The following ZC3H11B variants were observed in gnomAD, a reference collection of about 807,000 sequenced individuals.
The protein encoded by ZC3H11B is zinc finger CCCH domain-containing protein 11B.
In ZC3H11B, 3 loss-of-function variants were observed where a neutral mutation model predicts 34.0. The observed-to-expected ratio is 0.09, with a 90% CI of 0.04 to 0.23. The LOEUF is 0.23. Ranked by LOEUF, ZC3H11B falls within the 10% of genes least tolerant of loss-of-function variation. The pLI is 1.00. For missense variants in ZC3H11B, 99 were observed against 660.1 expected, an observed-to-expected ratio of 0.15 and a Z score of 9.31; for synonymous variants, 33 against 250.1, an observed-to-expected ratio of 0.13 and a Z score of 8.19.
chr1:219,609,867 G>C (rs1667973149), exon 2 of ZC3H11B: 2 of 1,614,172 alleles, frequency 1.2e-6, no homozygotes, highest in South Asian at 2.2e-5. Flanking sequence ...AAGAGGACTG[G>C]GTTGGAGGCA....
rs1383614943 is a variant in ZC3H11B, at chr1:219,612,543, T to C, written c.-481A>G. ...AAGGATCATGAAAAAAAATCCATCT[T>C]CCATAGCTGAACAATATAATCTGAA... On this transcript the variant is annotated 5_prime_UTR_variant, in exon 2 of 2. Transcript: ENST00000651890. 31 of 147,412 alleles carry C rather than the reference T, an allele frequency of 2.1e-4. 5 individuals are homozygous for C. Among genetic ancestry groups the C allele is most frequent in the African/African-American group, 1.0e-3 (26 of 25,310 alleles). The allele number at this position is 147,412 out of a possible 1,614,324, so 9.1% of individuals were successfully genotyped here. A position where few individuals can be genotyped will look rare whatever the true frequency, so the allele number is the denominator to read the frequency against.
exon 2 of ZC3H11B, chr1:219,608,912 C>T (rs1317874167): frequency 1.3e-5 from 2 of 152,522 alleles, no homozygotes; most frequent in African/African-American, 4.8e-5. Context: ...TATAATGAAT[C>T]CAGGGAATCC....
rs187152350 is a variant in ZC3H11B at position 219,608,052 on chromosome 1, A to G, written c.*1593T>C. ...TTATTTTTTAAAAAAGCAAAAGAAT[A>G]AAGAATATATACAAAAGGGACCTGG... On this transcript the variant is annotated 3_prime_UTR_variant, in exon 2 of 2. Coordinates refer to ENST00000651890, the Ensembl canonical transcript of ZC3H11B. Among the ~76,000 whole-genome samples the G allele has an allele frequency of 2.5e-3, 374 of 152,238 alleles. 4 individuals are homozygous for G. Among genetic ancestry groups the G allele is most frequent in the African/African-American group, 8.7e-3 (360 of 41,542 alleles).
exon 2 of ZC3H11B, chr1:219,609,020 A>G (rs1558165624): frequency 2.5e-5 from 1 of 39,474 alleles, no homozygotes; most frequent in East Asian, 1.5e-3. Flanking sequence ...TTCAGAGGCC[A>G]ACAGAGCAGC....
chr1:219,608,131 T>C (rs1294303509), exon 2 of ZC3H11B, among the ~76,000 whole-genome samples: 1 of 152,092 alleles, frequency 6.6e-6, no homozygotes, highest in Non-Finnish European at 1.5e-5. Context: ...TGGTGAAACC[T>C]GAACATTCTA....
Position 219,611,881 on chromosome 1 carries a change from C to T in ZC3H11B, c.182G>A (p.Arg61His), listed in dbSNP as rs926787957. Residue 61 changes from arginine (R) to histidine (H), a missense_variant, in exon 2 of 2, where the codon CGC (arginine) becomes CAC (histidine). Arg to His is a conservative substitution (Grantham distance 29, BLOSUM62 0). Transcript: ENST00000651890. ...TTCCCAATAACAAGGAATTTCACTG[C>T]GTTTTTTATCAATCTCCATGTGCCG... The T allele has an allele frequency of 4.1e-6, 4 of 979,844 alleles. 1 individual carries two copies. The highest frequency in any genetic ancestry group is 2.8e-5 in the South Asian group (2 of 70,964). 60.7% of individuals were successfully genotyped at this position (979,844 alleles called of 1,614,324 possible).
exon 2 of ZC3H11B, chr1:219,608,707 A>AT (rs1215426743): frequency 6.6e-6 from 1 of 152,038 alleles, no homozygotes; most frequent in Non-Finnish European, 1.5e-5. Context: ...GAATAAGCTC[A>AT]TTTTTTCCCT....
At chr1:219,608,403 GAAAC>G (rs1667948622) in exon 2 of ZC3H11B, 1 of 152,486 alleles carries the variant, frequency 6.6e-6, no homozygotes, top group Admixed American at 6.5e-5. Flanking sequence ...TTCCCTATGA[GAAAC>G]AAAACTGGCC....
At chr1:219,612,998 C>T (rs1478311562) in exon 1 of ZC3H11B, 1 of 244,808 alleles carries the variant, frequency 4.1e-6, no homozygotes, top group Non-Finnish European at 7.6e-6. Flanking sequence ...GGACCCGAAC[C>T]GATGACACTA....
exon 2 of ZC3H11B, chr1:219,609,362 T>C (rs1435198615): frequency 2.1e-6 from 1 of 485,910 alleles, no homozygotes; most frequent in South Asian, 2.2e-5. Context: ...CCCCTCAGTC[T>C]CTTTTTTGTG....
At chr1:219,612,238 G>C in exon 2 of ZC3H11B, 1 of 590,370 alleles carries the variant, frequency 1.7e-6, no homozygotes, top group African/African-American at 2.2e-5. Flanking sequence ...AGGAACGTCT[G>C]TGTCTTCACT....
exon 2 of ZC3H11B, chr1:219,611,139 C>T (rs1553281572): frequency 6.2e-7 from 1 of 1,613,818 alleles, no homozygotes; most frequent in African/African-American, 1.3e-5. Flanking sequence ...CAACTTTCTT[C>T]CCTAGCCTCT....
rs2102512007 is a variant in ZC3H11B, at chr1:219,612,257, A to G, written c.-195T>C. ...ACGTCTGTGTCTTCACTGAGTTCCAATCTATTATGCCTGTAGGTCGAACCA... is the reference window on the plus strand; with the variant it reads ...ACGTCTGTGTCTTCACTGAGTTCCAGTCTATTATGCCTGTAGGTCGAACCA... On this transcript the variant is annotated 5_prime_UTR_variant, in exon 2 of 2. Transcript: ENST00000651890. 4 of 533,578 alleles carry G rather than the reference A, an allele frequency of 7.5e-6. No homozygotes were observed. The South Asian group carries it at 1.0e-4, about 14-fold the overall frequency. 33.1% of individuals were successfully genotyped at this position (533,578 alleles called of 1,614,324 possible).
chr1:219,608,312 C>A (rs1224159452), exon 2 of ZC3H11B: 2 of 152,634 alleles, frequency 1.3e-5, no homozygotes, highest in Admixed American at 1.3e-4. Context: ...ATATTCCCAA[C>A]AAGGCTACTT....
At chr1:219,611,128 T>C in exon 2 of ZC3H11B, 1 of 1,613,530 alleles carries the variant, frequency 6.2e-7, no homozygotes, top group Non-Finnish European at 8.5e-7. Context: ...TTCTGGAGCT[T>C]CAACTTTCTT....
At chr1:219,609,880 A>C in exon 2 of ZC3H11B, 1 of 1,614,184 alleles carries the variant, frequency 6.2e-7, no homozygotes, top group South Asian at 1.1e-5. Context: ...TGGAGGCAGC[A>C]CAAGACTGTC....
At chr1:219,611,730 CTCTTCT>C in exon 2 of ZC3H11B, 2 of 1,579,100 alleles carry the variant, frequency 1.3e-6, no homozygotes, top group Non-Finnish European at 1.7e-6. Flanking sequence ...CCTTCACTTC[CTCTTCT>C]GGTGACTCAG....
At chr1:219,608,723 G>T in exon 2 of ZC3H11B, 1 of 152,344 alleles carries the variant, frequency 6.6e-6, no homozygotes, top group Non-Finnish European at 1.5e-5. Flanking sequence ...TCCCTCAGGT[G>T]GTTAAAGGCC....
At chr1:219,608,915 G>A (rs1667958551) in exon 2 of ZC3H11B, 1 of 152,534 alleles carries the variant, frequency 6.6e-6, no homozygotes, top group African/African-American at 2.4e-5. Context: ...AATGAATCCA[G>A]GGAATCCCAG....
Sources: allele counts gnomAD v4.1 joint callset (sites outside exome capture counted in the v4.1 genomes callset), GRCh38; gene constraint gnomAD v4.1.1; transcripts MANE v1.5; gene names NCBI Gene and HGNC (gene_info 2026-07-23, HGNC 2026-07-21).